Variants in SND1 observed in about 807,000 individuals in gnomAD.
The protein encoded by SND1 is staphylococcal nuclease and tudor domain containing 1.
Under a neutral mutation model 121.7 loss-of-function variants are expected in SND1, and 38 were observed. The observed-to-expected ratio is 0.31, with a 90% CI of 0.24 to 0.41. The LOEUF (loss-of-function observed/expected upper bound fraction) is 0.41, where lower values mean the gene tolerates loss of function less well. SND1 is among the 10% of genes least tolerant of loss of function. The pLI, the probability that SND1 is intolerant of heterozygous loss-of-function variation, is 1.00. For missense variants in SND1, 868 were observed against 1,184.6 expected (o/e 0.73, Z 3.92); for synonymous variants, 401 against 447.4 (o/e 0.90, Z 1.31).
chr7:128,053,370 G>C (rs1027218375), intron 16 of SND1, among the ~76,000 whole-genome samples: 1 of 152,122 alleles, frequency 6.6e-6, no homozygotes, highest in Non-Finnish European at 1.5e-5. Flanking sequence ...CACTTAAGTG[G>C]AGAATTGCCC....
At chr7:128,043,520 G>C (rs913951222) in intron 16 of SND1, among the ~76,000 whole-genome samples, 3 of 151,904 alleles carry the variant, frequency 2.0e-5, no homozygotes, top group Non-Finnish European at 2.9e-5. Context: ...GCTGCAGTGA[G>C]CCGAGATTGT....
intron 10 of SND1, among the ~76,000 whole-genome samples, chr7:127,778,464 T>C (rs1797662440): frequency 6.6e-6 from 1 of 152,206 alleles, no homozygotes; most frequent in Admixed American, 6.5e-5. Context: ...CCCAAAGTGC[T>C]GGGATTACAG....
intron 9 of SND1, among the ~76,000 whole-genome samples, chr7:127,711,639 T>C (rs1796299345): frequency 6.6e-6 from 1 of 152,142 alleles, no homozygotes; most frequent in African/African-American, 2.4e-5. Context: ...TCTGAGACTT[T>C]TTCTCCCAAC....
intron 16 of SND1, among the ~76,000 whole-genome samples, chr7:128,046,250 A>G (rs1792943731): frequency 6.6e-6 from 1 of 151,474 alleles, no homozygotes; most frequent in Admixed American, 6.6e-5. Flanking sequence ...GATGGGTGCC[A>G]CTATGCCAGG....
chr7:128,000,768 C>T (rs989642456), intron 16 of SND1, among the ~76,000 whole-genome samples: 3 of 152,196 alleles, frequency 2.0e-5, no homozygotes, highest in Non-Finnish European at 4.4e-5. Context: ...GTCTGAATAT[C>T]CCCTATGGAA....
At chr7:127,674,134 C>T (rs937802430) in intron 1 of SND1, among the ~76,000 whole-genome samples, 3 of 151,898 alleles carry the variant, frequency 2.0e-5, no homozygotes, top group African/African-American at 7.3e-5. Flanking sequence ...GCCTTCCTCC[C>T]TCCCTTCCTG....
chr7:127,682,050 A>G (rs550508550), intron 1 of SND1, among the ~76,000 whole-genome samples: 29 of 152,288 alleles, frequency 1.9e-4, no homozygotes, highest in Middle Eastern at 3.4e-3. Flanking sequence ...TTTCTGTACC[A>G]TCCTTTTCTT....
chr7:127,981,082 C>G (rs1045834074), intron 15 of SND1, among the ~76,000 whole-genome samples: 21 of 152,174 alleles, frequency 1.4e-4, no homozygotes, highest in Admixed American at 1.3e-3. Flanking sequence ...TCAGACGTAG[C>G]ATTTGTGCCT....
rs201745504 is a variant in SND1, at chr7:128,089,575, C to G, written c.2505C>G (p.Ala835=). Residue 835 remains alanine (A), a synonymous_variant, in exon 22 of 24, where the codon GCC becomes GCG. Transcript: ENST00000354725. ...TGCTCAACGTGGAACACCTGAGTGC[C>G]GGCTGCCCCCATGTCACCCTGCAGT... is the stretch of plus-strand genomic sequence containing the variant. ...QCLLNVEHLS[A]GCPHVTLQFA... The G allele has an allele frequency of 2.5e-6, 4 of 1,614,074 alleles. No individual in the cohort carries two copies. The East Asian group carries it at 8.9e-5, about 36-fold the overall frequency.
chr7:127,652,216 G>T lies in SND1; in HGVS notation c.-158G>T. ...CGTCTCTTTCGCTCCGTGTCCCGCT[G>T]CTGCTCCTGTGAGCGCCCGGCGAGT... On this transcript the variant is annotated 5_prime_UTR_variant, in exon 1 of 24. Transcript: ENST00000354725. 3 of 694,392 alleles carry T rather than the reference G, an allele frequency of 4.3e-6. No homozygotes were observed. The highest frequency in any genetic ancestry group is 5.3e-6 in the Non-Finnish European group (2 of 379,368). The allele number at this position is 694,392 out of a possible 1,614,324, so 43.0% of individuals were successfully genotyped here.
chr7:128,054,531 C>A lies in SND1; in HGVS notation c.1780-19971C>A, dbSNP rs183618107. On this transcript the variant is annotated intron_variant, in intron 16 of 23. Transcript: ENST00000354725. ...GCATAGCAGATATGAATGCCTTGCACGGAGGTTGGCATTAGCAATGGTTCA... is the reference window on the plus strand; with the variant it reads ...GCATAGCAGATATGAATGCCTTGCAAGGAGGTTGGCATTAGCAATGGTTCA... Among the ~76,000 whole-genome samples the A allele has an allele frequency of 5.9e-5, 9 of 152,212 alleles. 1 individual carries two copies. The highest frequency in any genetic ancestry group is 1.9e-4 in the African/African-American group (8 of 41,452).
chr7:127,915,996 ATGTG>A (rs57570326), intron 14 of SND1, among the ~76,000 whole-genome samples: 29,771 of 148,860 alleles, frequency 0.2, 3,165 homozygotes, highest in African/African-American at 0.27. Flanking sequence ...AGAACAGCAT[ATGTG>A]TGTGTGTGTG....
chr7:127,718,495 C>A, intron 9 of SND1: 1 of 816,048 alleles, frequency 1.2e-6, no homozygotes, highest in Non-Finnish European at 1.5e-6. Flanking sequence ...CGCGGACACG[C>A]ACGCATGCAC....
chr7:127,825,520 G>T (rs1479458768), intron 11 of SND1, among the ~76,000 whole-genome samples: 1 of 151,630 alleles, frequency 6.6e-6, no homozygotes, highest in African/African-American at 2.4e-5. Flanking sequence ...CAATTCTTGT[G>T]CCTCAACCTC....
intron 12 of SND1, among the ~76,000 whole-genome samples, chr7:127,886,604 A>G (rs1399901301): frequency 1.3e-5 from 2 of 152,126 alleles, no homozygotes; most frequent in African/African-American, 4.8e-5. Context: ...ATTCTCCCTC[A>G]ATAATATCAT....
rs138792427 is a variant in SND1 at position 127,715,494 on chromosome 7, T to C, written c.1039-5793T>C. On this transcript the variant is annotated intron_variant, in intron 9 of 23. Transcript: ENST00000354725. ...CCTTACTCTCCCCCAGCTCTAGGAGTCCCCAGTGTCTATTGTTCCTGTCTT... is the reference window on the plus strand; with the variant it reads ...CCTTACTCTCCCCCAGCTCTAGGAGCCCCCAGTGTCTATTGTTCCTGTCTT... 4.6e-3 allele frequency among the ~76,000 whole-genome samples: 694 copies of C among 152,044 alleles called. 3 individuals carry two copies. Among genetic ancestry groups the C allele is most frequent in the Admixed American group, 0.011 (161 of 15,246 alleles).
At chr7:127,778,646 C>T (rs1199932889) in intron 10 of SND1, among the ~76,000 whole-genome samples, 1 of 152,126 alleles carries the variant, frequency 6.6e-6, no homozygotes, top group Non-Finnish European at 1.5e-5. Context: ...CATCTTTGAG[C>T]TCTGGTTGTC....
At chr7:127,660,209 A>G (rs1795284567) in intron 1 of SND1, among the ~76,000 whole-genome samples, 1 of 152,014 alleles carries the variant, frequency 6.6e-6, no homozygotes, top group African/African-American at 2.4e-5. Context: ...GTTGCTTGAG[A>G]CCCAGAGGAA....
intron 11 of SND1, among the ~76,000 whole-genome samples, chr7:127,837,759 C>T (rs1237370591): frequency 6.6e-6 from 1 of 152,190 alleles, no homozygotes; most frequent in Non-Finnish European, 1.5e-5. Context: ...ATACTTTTAA[C>T]AGAGAAAAAT....
Sources: allele counts gnomAD v4.1 joint callset (sites outside exome capture counted in the v4.1 genomes callset), GRCh38; gene constraint gnomAD v4.1.1; transcripts MANE v1.5; gene names NCBI Gene and HGNC (gene_info 2026-07-23, HGNC 2026-07-21).